Variants in FOCAD observed in about 807,000 individuals in gnomAD.
FOCAD encodes KIAA1797.
FOCAD carries 198 observed loss-of-function variants against 225.6 expected under a neutral mutation model. The ratio of observed to expected loss-of-function variants is 0.88; its 90% CI spans 0.78 to 0.99. The LOEUF (loss-of-function observed/expected upper bound fraction) is 0.99, where lower values mean the gene tolerates loss of function less well. Ranked by LOEUF, FOCAD falls within the 50% of genes least tolerant of loss-of-function variation. FOCAD has a pLI of 0.00. For synonymous variants in FOCAD, 897 were observed against 755.0 expected (o/e 1.19, Z -3.08); for missense variants, 2,713 against 2,123.6 (o/e 1.28, Z -5.46).
intron 35 of FOCAD, among the ~76,000 whole-genome samples, chr9:20,963,667 A>T (rs1232123500): frequency 6.6e-6 from 1 of 152,246 alleles, no homozygotes; most frequent in Admixed American, 6.5e-5. Context: ...CAGTTTATCA[A>T]ACTATTTCTA....
At chr9:20,967,249 A>G (rs775683646) in intron 35 of FOCAD, among the ~76,000 whole-genome samples, 4 of 152,108 alleles carry the variant, frequency 2.6e-5, no homozygotes, top group African/African-American at 7.2e-5. Context: ...GGTGAAATCT[A>G]TTCCCAGATA....
intron 35 of FOCAD, among the ~76,000 whole-genome samples, chr9:20,965,637 G>A (rs946876362): frequency 4.2e-4 from 64 of 152,218 alleles, no homozygotes; most frequent in Non-Finnish European, 8.8e-4. Flanking sequence ...TTTCCAGAAT[G>A]TTTTCATTAC....
chr9:20,926,609 C>G (rs1189896362), intron 26 of FOCAD, among the ~76,000 whole-genome samples, 192 bp downstream of exon 26: 2 of 151,912 alleles, frequency 1.3e-5, no homozygotes, highest in South Asian at 4.2e-4. Flanking sequence ...CATGGAGAAA[C>G]CGCATCTCTA....
chr9:20,795,784 GAAAAAAAA>G (rs1161085446), intron 11 of FOCAD, among the ~76,000 whole-genome samples: 1 of 42,406 alleles, frequency 2.4e-5, no homozygotes, highest in African/African-American at 1.1e-4. Flanking sequence ...ACTCTGTCTC[GAAAAAAAA>G]AAAAAAAAAA....
chr9:20,828,560 G>T (rs892574521), intron 15 of FOCAD, among the ~76,000 whole-genome samples: 5 of 152,072 alleles, frequency 3.3e-5, no homozygotes, highest in Non-Finnish European at 7.4e-5. Context: ...AGCATTGTAA[G>T]AAGGTTCTAA....
At chr9:20,671,705 C>A (rs183531451) in intron 2 of FOCAD, among the ~76,000 whole-genome samples, 1 of 152,224 alleles carries the variant, frequency 6.6e-6, no homozygotes, top group East Asian at 1.9e-4. Flanking sequence ...TGATTATGCT[C>A]CTGGCAGGCA....
chr9:20,813,623 T>A (rs898811437), intron 11 of FOCAD, among the ~76,000 whole-genome samples: 17 of 152,316 alleles, frequency 1.1e-4, no homozygotes, highest in African/African-American at 3.4e-4. Flanking sequence ...GTCTTAAATT[T>A]GTTAAGACTT....
chr9:20,705,557 T>A (rs1408117724), intron 1 of FOCAD, among the ~76,000 whole-genome samples: 1 of 152,170 alleles, frequency 6.6e-6, no homozygotes, highest in Non-Finnish European at 1.5e-5. Context: ...GATTTTGCGA[T>A]CATTTATTGG....
chr9:20,676,943 C>T (rs1286460721), intron 2 of FOCAD, among the ~76,000 whole-genome samples: 1 of 152,096 alleles, frequency 6.6e-6, no homozygotes, highest in Admixed American at 6.5e-5. Context: ...CAATCTTGAA[C>T]AAGAAGAACA....
Position 20,976,434 on chromosome 9 carries a change from C to A in FOCAD, c.4147C>A (p.Pro1383Thr), listed in dbSNP as rs1173027872. 2 of 1,612,808 alleles carry A rather than the reference C, an allele frequency of 1.2e-6. No homozygotes were observed. Among genetic ancestry groups the A allele is most frequent in the African/African-American group, 2.7e-5 (2 of 74,830 alleles). ...GTCTGTTATAGGTCCTGAATCTGTG[C>A]CTCCTTCCCTTCTTAAAGTAGTGAT... Reference protein sequence around the residue: ...TGGKKGPESVPPSLLKVVMKP... With the variant: ...TGGKKGPESVTPSLLKVVMKP... Residue 1383 changes from proline to threonine, a missense_variant, in exon 36 of 44, where the codon CCT becomes ACT. Physicochemically the swap from Pro to Thr is conservative, Grantham distance 38. Transcript: ENST00000338382.
chr9:20,791,076 G>A (rs1022711143), intron 11 of FOCAD, among the ~76,000 whole-genome samples: 5 of 152,118 alleles, frequency 3.3e-5, no homozygotes, highest in African/African-American at 9.7e-5. Flanking sequence ...TTGACACTTG[G>A]TAGGATAATC....
intron 11 of FOCAD, among the ~76,000 whole-genome samples, chr9:20,800,224 G>C (rs1015201423): frequency 6.6e-6 from 1 of 152,148 alleles, no homozygotes; most frequent in African/African-American, 2.4e-5. Flanking sequence ...TCAGCTGTTA[G>C]TCTGATGGGC....
At chr9:20,693,128 C>T (rs1823074887) in intron 1 of FOCAD, among the ~76,000 whole-genome samples, 1 of 152,196 alleles carries the variant, frequency 6.6e-6, no homozygotes, top group African/African-American at 2.4e-5. Context: ...TTGCCATGAT[C>T]TGACCCATTT....
At chr9:20,695,555 G>C (rs542055095) in intron 1 of FOCAD, among the ~76,000 whole-genome samples, 1 of 152,038 alleles carries the variant, frequency 6.6e-6, no homozygotes, top group Admixed American at 6.6e-5. Flanking sequence ...CACGTACACA[G>C]TCTTCAGTAC....
At chr9:20,659,424 G>GAAAGAAAGA (rs1821640398) in intron 2 of FOCAD, among the ~76,000 whole-genome samples, 1 of 140,354 alleles carries the variant, frequency 7.1e-6, no homozygotes, top group African/African-American at 2.8e-5. Flanking sequence ...AGAAAGAAAG[G>GAAAGAAAGA]AGAAAGAAAG....
At chr9:20,855,740 C>T (rs1828110608) in intron 15 of FOCAD, among the ~76,000 whole-genome samples, 1 of 151,270 alleles carries the variant, frequency 6.6e-6, no homozygotes, top group African/African-American at 2.4e-5. Context: ...CTGTATTCCC[C>T]AGCTCCTTGC....
chr9:20,962,122 C>T (rs1403543565), intron 35 of FOCAD, among the ~76,000 whole-genome samples: 1 of 151,956 alleles, frequency 6.6e-6, no homozygotes, highest in East Asian at 1.9e-4. Flanking sequence ...AATATTCTTT[C>T]CTTGGTGGGG....
At position 20,961,164 on chromosome 9, in the gene FOCAD, C is replaced by T. The variant is rs573245446; in HGVS notation, c.4132+8099C>T. ...TCCTCTCCTCTCCACTCCTCCCCTC[C>T]CCTCCGCTCCCCTCCTCTCCGCTCC... On this transcript the variant is annotated intron_variant, in intron 35 of 43. Coordinates refer to ENST00000338382, the MANE Select transcript of FOCAD (RefSeq NM_001375567.1). 4.0e-5 allele frequency among the ~76,000 whole-genome samples: 6 copies of T among 151,766 alleles called. No individual in the cohort carries two copies. In the South Asian group the frequency reaches 1.3e-3, roughly 32 times the overall value.
chr9:20,664,497 A>C (rs1299111617), intron 2 of FOCAD, among the ~76,000 whole-genome samples: 1 of 151,928 alleles, frequency 6.6e-6, no homozygotes, highest in African/African-American at 2.4e-5. Flanking sequence ...CTTTCTGAAG[A>C]GTTTATAAGT....
Sources: gnomAD v4.1 joint callset for allele counts (sites outside exome capture counted in the v4.1 genomes callset) on GRCh38, gnomAD v4.1.1 for gene constraint, MANE v1.5 for transcripts, NCBI Gene and HGNC (gene_info 2026-07-23, HGNC 2026-07-21) for gene names.